Variants in PRIM2 observed in about 807,000 individuals in gnomAD.
PRIM2 encodes the protein DNA primase large subunit.
A neutral mutation model predicts 67.3 loss-of-function variants in PRIM2; 39 were observed. The ratio of observed to expected loss-of-function variants is 0.58; its 90% confidence interval spans 0.45 to 0.76. The LOEUF (loss-of-function observed/expected upper bound fraction) is 0.76. Among genes scored for constraint, PRIM2 ranks in the 30% least tolerant of loss-of-function variants. The probability of loss-of-function intolerance (pLI) is 0.00; values close to 1 mark genes in which losing one functional copy is unlikely to be tolerated. For missense variants in PRIM2, 398 were observed against 598.7 expected (o/e 0.66, Z 3.50); for synonymous variants, 143 against 198.7 (o/e 0.72, Z 2.36).
At chr6:57,395,628 A>G (rs1438916700) in intron 7 of PRIM2, among the ~76,000 whole-genome samples, 2 of 151,924 alleles carry the variant, frequency 1.3e-5, no homozygotes, top group Non-Finnish European at 2.9e-5. Context: ...TGTTTCATTT[A>G]TCTTTTGTAT....
intron 12 of PRIM2, among the ~76,000 whole-genome samples, chr6:57,627,462 C>G: frequency 6.6e-6 from 1 of 151,148 alleles, no homozygotes; most frequent in Non-Finnish European, 1.5e-5. Context: ...AATCTTGGCT[C>G]ACTGTAACCT....
At chr6:57,607,620 TAAAG>T (rs1256664272) in intron 12 of PRIM2, among the ~76,000 whole-genome samples, 5 of 152,086 alleles carry the variant, frequency 3.3e-5, no homozygotes, top group East Asian at 3.9e-4. Flanking sequence ...ATAGGTAACT[TAAAG>T]GAAGTATAGT....
intron 7 of PRIM2, among the ~76,000 whole-genome samples, chr6:57,400,057 G>T (rs924182487): frequency 3.3e-5 from 5 of 152,250 alleles, no homozygotes; most frequent in African/African-American, 1.2e-4. Context: ...TTTTTATCCA[G>T]CTTGCCACCT....
intron 10 of PRIM2, among the ~76,000 whole-genome samples, chr6:57,540,274 C>T (rs1355186057): frequency 1.6e-4 from 24 of 152,034 alleles, no homozygotes; most frequent in Non-Finnish European, 2.9e-5. Context: ...GACATACACA[C>T]ACTCACACAC....
intron 13 of PRIM2, among the ~76,000 whole-genome samples, chr6:57,642,969 T>C (rs1777272862): frequency 6.6e-6 from 1 of 151,604 alleles, no homozygotes; most frequent in South Asian, 2.1e-4. Flanking sequence ...GACTTTCACC[T>C]TTTTTTTAAG....
chr6:57,247,739 C>T, the PRIM2 span, among the ~76,000 whole-genome samples: 30 of 152,100 alleles, frequency 2.0e-4, no homozygotes, highest in African/African-American at 7.0e-4. Context: ...TTGAGGTTTC[C>T]TTTTGATATG....
At chr6:57,629,591 A>G (rs1433433186) in intron 12 of PRIM2, among the ~76,000 whole-genome samples, 2 of 152,062 alleles carry the variant, frequency 1.3e-5, no homozygotes, top group Non-Finnish European at 2.9e-5. Context: ...CCTGTCTCCA[A>G]ATCTGACCAC....
intron 7 of PRIM2, among the ~76,000 whole-genome samples, chr6:57,440,360 G>C (rs1772164200): frequency 6.6e-6 from 1 of 152,090 alleles, no homozygotes; most frequent in Non-Finnish European, 1.5e-5. Context: ...TGTGATCATA[G>C]CTCACTGTAA....
chr6:57,413,462 A>T (rs1278507857), intron 7 of PRIM2, among the ~76,000 whole-genome samples: 16 of 151,880 alleles, frequency 1.1e-4, no homozygotes, highest in African/African-American at 3.9e-4. Flanking sequence ...CAAATGGCAA[A>T]TTCCAACAAT....
chr6:57,481,183 T>C (rs1208427187), intron 7 of PRIM2, among the ~76,000 whole-genome samples: 1 of 152,186 alleles, frequency 6.6e-6, no homozygotes, highest in African/African-American at 2.4e-5. Context: ...TGAAAATTTG[T>C]GTAGCCATCC....
chr6:57,384,645 T>C (rs1367823705), intron 7 of PRIM2, among the ~76,000 whole-genome samples: 1 of 152,116 alleles, frequency 6.6e-6, no homozygotes, highest in Non-Finnish European at 1.5e-5. Context: ...TGGGGTATCA[T>C]GGGAGCTGAG....
chr6:57,501,667 T>C (rs1460508409), intron 7 of PRIM2, among the ~76,000 whole-genome samples: 2 of 152,214 alleles, frequency 1.3e-5, no homozygotes, highest in African/African-American at 2.4e-5. Context: ...TATTTTGGAC[T>C]CTCTTTCAAA....
chr6:57,416,089 T>C (rs1279904224), intron 7 of PRIM2, among the ~76,000 whole-genome samples: 6 of 152,336 alleles, frequency 3.9e-5, no homozygotes, highest in Non-Finnish European at 7.3e-5. Context: ...CTTACTTTGC[T>C]CAGATCCATC....
At chr6:57,340,675 C>CA (rs1318074063) in intron 5 of PRIM2, among the ~76,000 whole-genome samples, 21 of 151,570 alleles carry the variant, frequency 1.4e-4, no homozygotes, top group Non-Finnish European at 4.4e-5. Flanking sequence ...ATGGACACAG[C>CA]AAGGGGAACA....
intron 8 of PRIM2, among the ~76,000 whole-genome samples, chr6:57,516,014 T>C (rs1187206725): frequency 6.6e-6 from 1 of 151,634 alleles, no homozygotes; most frequent in Non-Finnish European, 1.5e-5. Flanking sequence ...TTCCTTCTCA[T>C]GCTTTCCATG....
intron 10 of PRIM2, among the ~76,000 whole-genome samples, chr6:57,568,841 T>C (rs1182170772): frequency 6.6e-6 from 1 of 152,220 alleles, no homozygotes; most frequent in Non-Finnish European, 1.5e-5. Context: ...ATCTAAAGGC[T>C]GAAGGCCACA....
intron 2 of PRIM2, 41 bp from the exon 3 acceptor site, chr6:57,320,415 TA>T: frequency 7.2e-7 from 1 of 1,381,340 alleles, no homozygotes; most frequent in South Asian, 1.3e-5. Flanking sequence ...GATTTAGTTT[TA>T]AAACATTATC....
At chr6:57,628,472 G>GT (rs1214633223) in intron 12 of PRIM2, among the ~76,000 whole-genome samples, 21 of 152,298 alleles carry the variant, frequency 1.4e-4, no homozygotes, top group African/African-American at 4.1e-4. Context: ...GAGTATTTCA[G>GT]TTTTTTCTTA....
At chr6:57,539,043 CATT>C (rs1163081103) in intron 10 of PRIM2, among the ~76,000 whole-genome samples, 13 of 152,062 alleles carry the variant, frequency 8.5e-5, no homozygotes, top group African/African-American at 2.4e-5. Flanking sequence ...TTAAAAATAA[CATT>C]ATAAAAAGCT....
Sources: allele counts gnomAD v4.1 joint callset (sites outside exome capture counted in the v4.1 genomes callset), GRCh38; gene constraint gnomAD v4.1.1; transcripts MANE v1.5; gene names NCBI Gene and HGNC (gene_info 2026-07-23, HGNC 2026-07-21).